Variants in KIF19 observed in about 807,000 individuals in gnomAD.
KIF19 encodes the protein kinesin-like protein KIF19.
A neutral mutation model predicts 106.6 loss-of-function variants in KIF19; 98 were observed. The observed-to-expected ratio is 0.92, with a 90% CI of 0.78 to 1.09. KIF19 has a LOEUF of 1.09. Among genes scored for constraint, KIF19 ranks in the 50% least tolerant of loss-of-function variants. The pLI, the probability that KIF19 is intolerant of heterozygous loss-of-function variation, is 0.00. For missense variants in KIF19, 1,373 were observed against 1,414.3 expected (o/e 0.97, Z 0.47); for synonymous variants, 516 against 584.2 (o/e 0.88, Z 1.68).
intron 2 of KIF19, among the ~76,000 whole-genome samples, chr17:74,338,224 G>C (rs934098219): frequency 6.6e-6 from 1 of 152,248 alleles, no homozygotes; most frequent in Non-Finnish European, 1.5e-5. Flanking sequence ...GGATGAGAGC[G>C]GGAGCAGCTG....
At chr17:74,339,372 A>G (rs1464380373) in intron 2 of KIF19, among the ~76,000 whole-genome samples, 1 of 151,908 alleles carries the variant, frequency 6.6e-6, no homozygotes, top group Non-Finnish European at 1.5e-5. Flanking sequence ...TGATGATTCA[A>G]ATTGAAGTGC....
rs758869652 is a variant in KIF19, at chr17:74,354,541, C to T, written c.2688C>T (p.Phe896=). The change falls in exon 18 of 20, where the codon TTC becomes TTT. Residue 896 remains phenylalanine, a synonymous_variant. Coordinates refer to ENST00000389916, the MANE Select transcript of KIF19 (RefSeq NM_153209.4). ...GAAGGAAGCGGAGGTCCCGATCCTT[C>T]GAGGTCACCGGGCAAGGGGTGAGGC... ...AKRRKRRSRS[F]EVTGQGLSHP... 8 of 1,597,242 alleles carry T rather than the reference C, an allele frequency of 5.0e-6. No individual in the cohort carries two copies. The highest frequency in any genetic ancestry group is 2.7e-5 in the African/African-American group (2 of 74,702).
chr17:74,348,411 G>A (rs945578200), intron 9 of KIF19, among the ~76,000 whole-genome samples: 6 of 152,240 alleles, frequency 3.9e-5, no homozygotes, highest in Admixed American at 6.5e-5. Context: ...GATCTGCCCC[G>A]TTTCCAAGTC....
intron 9 of KIF19, chr17:74,348,847 G>A (rs373889217): frequency 3.6e-5 from 10 of 278,360 alleles, no homozygotes; most frequent in Non-Finnish European, 5.4e-5. Flanking sequence ...AGGGGATGGC[G>A]TCTGTGGTGG....
At chr17:74,336,465 G>C (rs2054222054) in intron 2 of KIF19, among the ~76,000 whole-genome samples, 2 of 152,178 alleles carry the variant, frequency 1.3e-5, no homozygotes, top group South Asian at 4.1e-4. Context: ...ACTCGTCATA[G>C]TGGATAAAGG....
At chr17:74,340,555 G>GCACACACACA in intron 2 of KIF19, among the ~76,000 whole-genome samples, 7,171 of 148,228 alleles carry the variant, frequency 0.048, 219 homozygotes, top group African/African-American at 0.07. Context: ...ATGCGCGCGC[G>GCACACACACA]TACACACACA....
chr17:74,341,877 T>C lies in KIF19; in HGVS notation c.122T>C (p.Met41Thr). 1 of 1,612,900 alleles carries C rather than the reference T, an allele frequency of 6.2e-7. No homozygotes were observed. The highest frequency in any genetic ancestry group is 8.5e-7 in the Non-Finnish European group (1 of 1,179,078). ...GGCCTCCCTCTGGGGACCTTGCAGA[T>C]GGTGGTTCTCATGGACCCAATGGAG... is the stretch of plus-strand genomic sequence containing the variant. ...TLIAHKVDEQ[M>T]VVLMDPMEDP... Residue 41 changes from methionine to threonine, a missense_variant and splice_region_variant, in exon 3 of 20, where the codon ATG (methionine) becomes ACG (threonine). Met to Thr is a moderately conservative substitution (Grantham distance 81, BLOSUM62 -1). Around this residue, in one of 3 missense-constraint regions of KIF19, gnomAD observed 348 missense variants for 389.5 expected, o/e 0.89. Transcript: ENST00000389916.
intron 2 of KIF19, among the ~76,000 whole-genome samples, chr17:74,335,076 G>T (rs6501709): frequency 0.44 from 67,068 of 152,058 alleles, 15,000 homozygotes; most frequent in Non-Finnish European, 0.48. Flanking sequence ...CTCCCTCGGA[G>T]ATTTTTGCCA....
intron 1 of KIF19, among the ~76,000 whole-genome samples, chr17:74,327,889 C>T (rs751942737): frequency 5.9e-5 from 9 of 152,222 alleles, no homozygotes; most frequent in Non-Finnish European, 1.2e-4. Flanking sequence ...GGGAGATCCA[C>T]GCACAGGATG....
At chr17:74,350,282 G>A in intron 10 of KIF19, 119 bp from the exon 11 acceptor site, 1 of 901,024 alleles carries the variant, frequency 1.1e-6, no homozygotes, top group Non-Finnish European at 1.7e-6. Flanking sequence ...GGAAGCAGTT[G>A]GACAGGAAGT....
In KIF19 at chr17:74,351,851, C is replaced by A. The variant is rs941045500; in HGVS notation, c.1588-16C>A. 3 of 1,380,842 alleles carry A rather than the reference C, an allele frequency of 2.2e-6. No homozygotes were observed. The highest frequency in any genetic ancestry group is 1.5e-5 in the African/African-American group (1 of 65,470). The allele number at this position is 1,380,842 out of a possible 1,614,324, so 85.5% of individuals were successfully genotyped here. ...CCCTCTCCCCGCTGCCAGATGCTGA[C>A]CTGCGCCTCCTGCAGCTGGCGCTGG... On this transcript the variant is annotated splice_polypyrimidine_tract_variant and intron_variant, in intron 12 of 19. Coordinates refer to ENST00000389916, the MANE Select transcript of KIF19 (RefSeq NM_153209.4).
At chr17:74,345,538 C>T (rs80307073) in intron 7 of KIF19, among the ~76,000 whole-genome samples, 2,044 of 152,192 alleles carry the variant, frequency 0.013, 47 homozygotes, top group African/African-American at 0.046. Context: ...TCCTGCTTGC[C>T]GAGCTCTGCA....
intron 2 of KIF19, among the ~76,000 whole-genome samples, chr17:74,339,921 G>A (rs1403469468): frequency 6.6e-6 from 1 of 152,156 alleles, no homozygotes; most frequent in Admixed American, 6.5e-5. Flanking sequence ...TGGAGTTGTG[G>A]GTCTCGACTT....
In KIF19 at chr17:74,350,585, C is replaced by G. The variant is rs750301335; in HGVS notation, c.1388+10C>G. The G allele has an allele frequency of 5.0e-6, 8 of 1,612,006 alleles. No individual in the cohort carries two copies. The East Asian group carries it at 1.1e-4, about 22-fold the overall frequency. On this transcript the variant is annotated intron_variant, in intron 11 of 19. Coordinates refer to ENST00000389916, the MANE Select transcript of KIF19 (RefSeq NM_153209.4). ...TGCTCACCATCGCCGGGTAAGCCCC[C>G]CTCCCAGGACCCTCCAGGCCCCACC... is the stretch of plus-strand genomic sequence containing the variant.
rs779010039 is a variant in KIF19, at chr17:74,352,157, G to T, written c.1858+20G>T. The T allele has an allele frequency of 2.5e-6, 4 of 1,582,884 alleles. No individual in the cohort carries two copies. Among genetic ancestry groups the T allele is most frequent in the South Asian group, 1.1e-5 (1 of 87,800 alleles). On this transcript the variant is annotated intron_variant, in intron 13 of 19. Transcript: ENST00000389916. ...TCGACGGTAGGGCCCACGCCCCCGC[G>T]CATCTGAGCCACCCGCGGGGGGGCC...
intron 8 of KIF19, among the ~76,000 whole-genome samples, chr17:74,347,111 G>A (rs772220952): frequency 7.9e-5 from 12 of 152,208 alleles, no homozygotes; most frequent in Non-Finnish European, 1.8e-4. Flanking sequence ...AGTGCTGAAA[G>A]TAGGATCCAG....
In KIF19 at chr17:74,331,679, C is replaced by A. The variant is rs543428584; in HGVS notation, c.120+3174C>A. On this transcript the variant is annotated intron_variant, in intron 2 of 19. Transcript: ENST00000389916. The surrounding 1 kb of genome is among the most constrained non-coding windows in gnomAD (Gnocchi z 4.1). ...GCAACCTCCGCCTCCTGGATTCAAG[C>A]GATTCTCCTGCCTCAGCCTCCCATG... Among the ~76,000 whole-genome samples, 5 of 151,832 alleles carry A rather than the reference C, an allele frequency of 3.3e-5. No individual in the cohort carries two copies. The highest frequency in any genetic ancestry group is 7.4e-5 in the Non-Finnish European group (5 of 67,972).
chr17:74,339,916 T>C (rs2054317583), intron 2 of KIF19, among the ~76,000 whole-genome samples: 1 of 151,638 alleles, frequency 6.6e-6, no homozygotes, highest in Admixed American at 6.6e-5. Flanking sequence ...GAGGGTGGAG[T>C]TGTGGGTCTC....
At position 74,354,949 on chromosome 17, in the gene KIF19, T is replaced by C. The variant is rs9891819; in HGVS notation, c.2866+8T>C. 209,931 of 1,580,858 alleles carry C rather than the reference T, an allele frequency of 0.13. 15,823 individuals carry two copies. Among genetic ancestry groups the C allele is most frequent in the African/African-American group, 0.31 (22,938 of 74,326 alleles). On this transcript the variant is annotated splice_region_variant and intron_variant, in intron 19 of 19. Transcript: ENST00000389916. ...CTCCAAGCCAGAACACGGGTCAGTATGGGCAAGGAGGGGATGGGGAGGGGA... is the reference window on the plus strand; with the variant it reads ...CTCCAAGCCAGAACACGGGTCAGTACGGGCAAGGAGGGGATGGGGAGGGGA...
Sources: allele counts gnomAD v4.1 joint callset (sites outside exome capture counted in the v4.1 genomes callset), GRCh38; gene constraint gnomAD v4.1.1; regional missense constraint gnomAD v4.1.1; non-coding constraint Gnocchi (gnomAD v3.1); transcripts MANE v1.5; gene names NCBI Gene and HGNC (gene_info 2026-07-23, HGNC 2026-07-21).